The following RUFY1 variants were observed in gnomAD, a reference collection of about 807,000 sequenced individuals.
The protein encoded by RUFY1 is RUN and FYVE domain containing 1, also known as RUN and FYVE domain-containing protein 1.
RUFY1 carries 54 observed loss-of-function variants against 94.6 expected under a neutral mutation model. The ratio of observed to expected loss-of-function variants is 0.57; its 90% CI spans 0.46 to 0.72. The LOEUF (loss-of-function observed/expected upper bound fraction) is 0.72, where lower values mean the gene tolerates loss of function less well. RUFY1 is among the 30% of genes least tolerant of loss of function. The pLI, the probability that RUFY1 is intolerant of heterozygous loss-of-function variation, is 0.00. For missense variants in RUFY1, 883 were observed against 883.9 expected, an observed-to-expected ratio of 1.00 and a Z score of 0.01; for synonymous variants, 396 against 347.3, an observed-to-expected ratio of 1.14 and a Z score of -1.56.
chr5:179,550,848 CG>C lies in RUFY1; in HGVS notation c.283del (p.Asp95ThrfsTer15), dbSNP rs2127499076. ...TGCGCGCGGCCGCGGGGCTGGGCGG[CG>C]GGGACAGCGGGGACGGCACGGCGCG... is the stretch of plus-strand genomic sequence containing the variant. ...ALRAAAGLGG[G>X]DSGDGTARAA... On this transcript the variant is annotated frameshift_variant, in exon 1 of 18. Transcript: ENST00000319449. LOFTEE classifies it high-confidence loss of function. The C allele has an allele frequency of 8.3e-7, 1 of 1,200,686 alleles. No individual in the cohort carries two copies. Among genetic ancestry groups the C allele is most frequent in the Non-Finnish European group, 1.0e-6 (1 of 971,442 alleles). 74.4% of individuals were successfully genotyped at this position (1,200,686 alleles called of 1,614,324 possible).
At position 179,585,934 on chromosome 5, in the gene RUFY1, G is replaced by A. The variant is rs978824927; in HGVS notation, c.1026+69G>A. ...CAAGGTTAAGAGAATCTGTGTAGTC[G>A]GTCTGCGATAGCAGAGCTTCCTGCT... On this transcript the variant is annotated intron_variant, in intron 8 of 17. Coordinates refer to ENST00000319449, the MANE Select transcript of RUFY1 (RefSeq NM_025158.5). 19 of 1,255,850 alleles carry A rather than the reference G, an allele frequency of 1.5e-5. No individual in the cohort carries two copies. The Admixed American group carries it at 1.9e-4, about 13-fold the overall frequency. 77.8% of individuals were successfully genotyped at this position (1,255,850 alleles called of 1,614,324 possible).
At chr5:179,583,887 T>C (rs559761794) in intron 7 of RUFY1, among the ~76,000 whole-genome samples, 6 of 151,418 alleles carry the variant, frequency 4.0e-5, no homozygotes, top group Non-Finnish European at 8.8e-5. Context: ...GTAGCTGGGA[T>C]TGCAGGCGCC....
At chr5:179,569,496 G>A in intron 5 of RUFY1, 71 bp downstream of exon 5, 1 of 1,510,798 alleles carries the variant, frequency 6.6e-7, no homozygotes, top group South Asian at 1.1e-5. Context: ...TCTGCAAACA[G>A]GTACTGAACC....
chr5:179,597,580 C>T (rs1355632941), intron 13 of RUFY1, among the ~76,000 whole-genome samples: 1 of 152,122 alleles, frequency 6.6e-6, no homozygotes, highest in Non-Finnish European at 1.5e-5. Context: ...CCATGTTGGC[C>T]AGGCTGGTCT....
At chr5:179,583,349 G>C (rs901830204) in intron 7 of RUFY1, among the ~76,000 whole-genome samples, 1 of 151,302 alleles carries the variant, frequency 6.6e-6, no homozygotes, top group African/African-American at 2.4e-5. Context: ...TACGTTGCTA[G>C]CTTTTCAGTT....
Position 179,562,532 on chromosome 5 carries a change from T to C in RUFY1, c.485-15T>C, listed in dbSNP as rs767496646. The stretch of plus-strand genomic sequence containing the variant: ...AACCTGTTCTTATGAATAACACTTT[T>C]GTTTTTCCTTTTAGTTAAGAAGAGT... On this transcript the variant is annotated splice_polypyrimidine_tract_variant and intron_variant, in intron 2 of 17. Transcript: ENST00000319449. 2 of 1,507,868 alleles carry C rather than the reference T, an allele frequency of 1.3e-6. No homozygotes were observed. The highest frequency in any genetic ancestry group is 1.1e-5 in the South Asian group (1 of 87,678). The allele number at this position is 1,507,868 out of a possible 1,614,324, so 93.4% of individuals were successfully genotyped here.
In RUFY1 at chr5:179,609,230, C is replaced by G. The variant is rs1409506446; in HGVS notation, c.1984-146C>G. ...TCAAAAAAAAAAAAAAAAAAAGACC[C>G]TTGTTTGCACACAGCCCCTCACCAC... On this transcript the variant is annotated intron_variant, in intron 17 of 17. Coordinates refer to ENST00000319449, the MANE Select transcript of RUFY1 (RefSeq NM_025158.5). 4 of 643,476 alleles carry G rather than the reference C, an allele frequency of 6.2e-6. No homozygotes were observed. In the African/African-American group the frequency reaches 7.7e-5, roughly 12 times the overall value. The allele number at this position is 643,476 out of a possible 1,614,324, so 39.9% of individuals were successfully genotyped here. A position where few individuals can be genotyped will look rare whatever the true frequency, so the allele number is the denominator to read the frequency against.
At chr5:179,572,255 A>G in intron 5 of RUFY1, 1 of 267,324 alleles carries the variant, frequency 3.7e-6, no homozygotes. Flanking sequence ...GTGGGCTACA[A>G]AGGGAAGTAC....
chr5:179,575,845 G>A (rs1490281705), intron 5 of RUFY1, among the ~76,000 whole-genome samples: 1 of 152,200 alleles, frequency 6.6e-6, no homozygotes, highest in East Asian at 1.9e-4. Context: ...GCAGTGGCAT[G>A]ATCTCAGCTC....
chr5:179,593,932 C>G (rs529809109), intron 11 of RUFY1, among the ~76,000 whole-genome samples: 191 of 152,070 alleles, frequency 1.3e-3, no homozygotes, highest in Middle Eastern at 3.4e-3. Flanking sequence ...GTCCATCCAC[C>G]TTCACTGTCC....
chr5:179,573,551 C>G (rs1022139977), intron 5 of RUFY1, among the ~76,000 whole-genome samples: 1 of 151,780 alleles, frequency 6.6e-6, no homozygotes, highest in Admixed American at 6.6e-5. Flanking sequence ...GAGATGGAGT[C>G]TTACTCTGTC....
At chr5:179,553,635 C>T (rs1230224839) in intron 1 of RUFY1, among the ~76,000 whole-genome samples, 1 of 151,160 alleles carries the variant, frequency 6.6e-6, no homozygotes, top group Non-Finnish European at 1.5e-5. Flanking sequence ...AAAAAAAGTA[C>T]AAAAATTAGC....
chr5:179,608,234 G>A, intron 17 of RUFY1: 6 of 953,288 alleles, frequency 6.3e-6, no homozygotes, highest in Non-Finnish European at 7.5e-6. Flanking sequence ...AACACTGCCA[G>A]CGCCACCCAC....
At chr5:179,595,446 A>AGAT (rs1289765066) in intron 12 of RUFY1, among the ~76,000 whole-genome samples, 1 of 152,226 alleles carries the variant, frequency 6.6e-6, no homozygotes, top group African/African-American at 2.4e-5. Flanking sequence ...AAAGTACATG[A>AGAT]GATGATATTC....
At chr5:179,551,903 C>A (rs1323369447) in intron 1 of RUFY1, among the ~76,000 whole-genome samples, 2 of 151,634 alleles carry the variant, frequency 1.3e-5, no homozygotes, top group Non-Finnish European at 2.9e-5. Context: ...CGGTGGCTCA[C>A]GCCTGTAATC....
rs779668948 is a variant in RUFY1 at position 179,593,653 on chromosome 5, T to C, written c.1413+8T>C. The C allele has an allele frequency of 2.1e-5, 34 of 1,612,238 alleles. No homozygotes were observed. In the East Asian group the frequency reaches 7.1e-4, roughly 34 times the overall value. On this transcript the variant is annotated splice_region_variant and intron_variant, in intron 11 of 17. Coordinates refer to ENST00000319449, the MANE Select transcript of RUFY1 (RefSeq NM_025158.5). Reference sequence around the variant, plus strand: ...ATGTTTCACAAAGCTCAGGTGGGAGTTGGCTTTGTGTCCATGGCACAGCCT... The same window carrying C: ...ATGTTTCACAAAGCTCAGGTGGGAGCTGGCTTTGTGTCCATGGCACAGCCT...
At position 179,555,206 on chromosome 5, in the gene RUFY1, G is replaced by A. The variant is rs534105579; in HGVS notation, c.310+4327G>A. Among the ~76,000 whole-genome samples the A allele has an allele frequency of 1.5e-4, 23 of 152,284 alleles. No individual in the cohort carries two copies. In the South Asian group the frequency reaches 4.8e-3, roughly 32 times the overall value. Reference sequence around the variant, plus strand: ...ATTAACATGCTGGCGGGGTGCAGGTGGCTCATGCCTGTAATCCCAGTACTT... The same window carrying A: ...ATTAACATGCTGGCGGGGTGCAGGTAGCTCATGCCTGTAATCCCAGTACTT... On this transcript the variant is annotated intron_variant, in intron 1 of 17. Transcript: ENST00000319449.
chr5:179,607,306 C>A, intron 16 of RUFY1: 1 of 488,638 alleles, frequency 2.0e-6, no homozygotes. Context: ...TGGGAGTGTG[C>A]CTGAGTGAGC....
chr5:179,579,808 T>A (rs1372560485), intron 6 of RUFY1, among the ~76,000 whole-genome samples: 1 of 151,358 alleles, frequency 6.6e-6, no homozygotes, highest in Non-Finnish European at 1.5e-5. Context: ...GGACTGCAGG[T>A]GCATGCCACC....
Sources: allele counts gnomAD v4.1 joint callset (sites outside exome capture counted in the v4.1 genomes callset), GRCh38; gene constraint gnomAD v4.1.1; transcripts MANE v1.5; gene names NCBI Gene and HGNC (gene_info 2026-07-23, HGNC 2026-07-21).